PDGFA: variants seen among roughly 807,000 people sequenced by gnomAD.
PDGFA encodes the protein platelet derived growth factor subunit A, also known as platelet-derived growth factor subunit A.
Under a neutral mutation model 25.6 loss-of-function variants are expected in PDGFA, and 9 were observed. That is an observed-to-expected ratio of 0.35 (90% confidence interval 0.21 to 0.61). The LOEUF (loss-of-function observed/expected upper bound fraction) is 0.61. Among genes scored for constraint, PDGFA ranks in the 20% least tolerant of loss-of-function variants. The probability of loss-of-function intolerance (pLI) is 0.75; values close to 1 mark genes in which losing one functional copy is unlikely to be tolerated. For missense variants in PDGFA, 242 were observed against 272.8 expected, an observed-to-expected ratio of 0.89 and a Z score of 0.79; for synonymous variants, 133 against 111.8, an observed-to-expected ratio of 1.19 and a Z score of -1.20.
At chr7:501,646 C>A (rs570176506) in intron 4 of PDGFA, among the ~76,000 whole-genome samples, 8 of 152,290 alleles carry the variant, frequency 5.3e-5, no homozygotes, top group African/African-American at 1.9e-4. Flanking sequence ...TGATGTTGAA[C>A]TCCTGGACTC....
At chr7:502,474 G>A (rs950024170) in intron 4 of PDGFA, among the ~76,000 whole-genome samples, 2 of 148,726 alleles carry the variant, frequency 1.3e-5, no homozygotes, top group African/African-American at 5.0e-5. Context: ...CCAGGGCCAG[G>A]GATCCTGGGC....
At chr7:504,230 ACCAC>A in intron 4 of PDGFA, among the ~76,000 whole-genome samples, 1 of 151,354 alleles carries the variant, frequency 6.6e-6, no homozygotes, top group South Asian at 2.1e-4. Context: ...GCACAGTACC[ACCAC>A]CCACCCACCA....
Position 517,464 on chromosome 7 carries a change from G to T in PDGFA, c.90C>A (p.Ile30=). Residue 30 remains isoleucine, a synonymous_variant, in exon 2 of 6, where the codon ATC becomes ATA. Coordinates refer to ENST00000402802, the Ensembl canonical transcript of PDGFA. The surrounding 1 kb of genome is among the most constrained non-coding windows in gnomAD (Gnocchi z 7.4). ...GGATCTGACTGCGGGCCAGCCTCTC[G>T]ATCACCTCGCGGGGGATCTCGGCTT... 1 of 1,373,316 alleles carries T rather than the reference G, an allele frequency of 7.3e-7. No individual in the cohort carries two copies. The allele number at this position is 1,373,316 out of a possible 1,614,324, so 85.1% of individuals were successfully genotyped here.
intron 4 of PDGFA, among the ~76,000 whole-genome samples, chr7:507,890 C>T (rs933197126): frequency 5.9e-5 from 9 of 152,096 alleles, no homozygotes; most frequent in Non-Finnish European, 1.3e-4. Flanking sequence ...CCTTCCCTGA[C>T]CCCCCGGCGG....
rs781582984 is a variant in PDGFA, at chr7:511,322, CCAGAGACTGGGGGTGGGG to C, written c.266-344_266-327del. On this transcript the variant is annotated intron_variant, in intron 3 of 5. Transcript: ENST00000402802. Reference sequence around the variant, plus strand: ...AGAGGGGAACTTAGTCCAGGTGGGGCCAGAGACTGGGGGTGGGGAGAGGGGAACCTAGTCCAGGTGGGG... The same window carrying C: ...AGAGGGGAACTTAGTCCAGGTGGGGCAGAGGGGAACCTAGTCCAGGTGGGG... 5.2e-3 allele frequency among the ~76,000 whole-genome samples: 424 copies of C among 81,642 alleles called. 3 individuals carry two copies. Among genetic ancestry groups the C allele is most frequent in the Non-Finnish European group, 5.8e-3 (286 of 48,936 alleles). 53.6% of individuals were successfully genotyped at this position (81,642 alleles called of 152,430 possible). A position where few individuals can be genotyped will look rare whatever the true frequency, so the allele number is the denominator to read the frequency against.
In PDGFA at chr7:506,175, C is replaced by CA. The variant is rs34159199; in HGVS notation, c.453+4633dup. On this transcript the variant is annotated intron_variant, in intron 4 of 5. Transcript: ENST00000402802. ...TGGGCAACAGAGTGAGACTCTGTCT[C>CA]AAAAAAAAAAAAAAAATCCCTCAAG... Among the ~76,000 whole-genome samples the CA allele has an allele frequency of 9.0e-3, 962 of 107,320 alleles. 23 individuals are homozygous for CA. The highest frequency in any genetic ancestry group is 0.025 in the African/African-American group (695 of 27,622). The allele number at this position is 107,320 out of a possible 152,430, so 70.4% of individuals were successfully genotyped here.
exon 1 of PDGFA, chr7:519,317 C>T (rs1783259362): frequency 6.4e-6 from 2 of 314,490 alleles, no homozygotes; most frequent in Admixed American, 5.2e-5. Flanking sequence ...GGTGCGTTCC[C>T]GGTGCTGGCC....
rs1296853231 is a variant in PDGFA at position 517,388 on chromosome 7, A to C, written c.160+6T>G. On this transcript the variant is annotated splice_donor_region_variant and intron_variant, in intron 2 of 5. Transcript: ENST00000402802. The surrounding 1 kb of genome is among the most constrained non-coding windows in gnomAD (Gnocchi z 7.4). ...CCCGCGCGCGGAGGGAAGGGGCGCG[A>C]TTTACCTACGGAGTCTATCTCCAGG... The C allele has an allele frequency of 6.7e-6, 9 of 1,347,684 alleles. No homozygotes were observed. In the Admixed American group the frequency reaches 8.2e-5, roughly 12 times the overall value. The allele number at this position is 1,347,684 out of a possible 1,614,324, so 83.5% of individuals were successfully genotyped here.
At chr7:513,520 C>CCT (rs1299106124) in intron 2 of PDGFA, 5 of 151,866 alleles carry the variant, frequency 3.3e-5, no homozygotes, top group African/African-American at 1.2e-4. Flanking sequence ...TCCATCCTGC[C>CCT]CCCCCCACCA....
chr7:497,425 T>C (rs1782090600), exon 6 of PDGFA: 1 of 152,116 alleles, frequency 6.6e-6, no homozygotes, highest in Non-Finnish European at 1.5e-5. Context: ...GCACAATATC[T>C]TACCAAAAAT....
In PDGFA at chr7:517,393, C is replaced by A; in HGVS notation, c.160+1G>T. On this transcript the variant is annotated splice_donor_variant, in intron 2 of 5. Transcript: ENST00000402802. LOFTEE classifies it high-confidence loss of function. The surrounding 1 kb of genome is among the most constrained non-coding windows in gnomAD (Gnocchi z 7.4). The stretch of plus-strand genomic sequence containing the variant: ...GCGCGGAGGGAAGGGGCGCGATTTA[C>A]CTACGGAGTCTATCTCCAGGAGTCG... The A allele has an allele frequency of 7.3e-7, 1 of 1,364,898 alleles. No homozygotes were observed. 84.5% of individuals were successfully genotyped at this position (1,364,898 alleles called of 1,614,324 possible). A position where few individuals can be genotyped will look rare whatever the true frequency, so the allele number is the denominator to read the frequency against.
rs1208945308 is a variant in PDGFA, at chr7:497,953, A to C, written c.*611T>G. On this transcript the variant is annotated 3_prime_UTR_variant, in exon 6 of 6. Coordinates refer to ENST00000402802, the Ensembl canonical transcript of PDGFA. ...ACTTTATGGTGTAAAAAAAAAAAAA[A>C]AAAAACAAAAAAAAAAAAAACAAAA... 36 of 115,110 alleles carry C rather than the reference A, an allele frequency of 3.1e-4. 1 individual carries two copies. The highest frequency in any genetic ancestry group is 2.3e-3 in the Admixed American group (25 of 10,692). 7.1% of individuals were successfully genotyped at this position (115,110 alleles called of 1,614,324 possible).
chr7:512,352 G>C (rs565721664), exon 3 of PDGFA: 1 of 1,609,602 alleles, frequency 6.2e-7, no homozygotes, highest in South Asian at 1.1e-5. Context: ...TGGACTCACC[G>C]ATGCTTCTCT....
intron 5 of PDGFA, among the ~76,000 whole-genome samples, chr7:499,727 C>CCCCCA (rs1782245369): frequency 1.6e-5 from 1 of 63,196 alleles, no homozygotes; most frequent in South Asian, 7.6e-4. Flanking sequence ...CCTTCCCCCC[C>CCCCCA]CCCCCCGCTC....
chr7:498,162 T>A (rs1417869236), exon 6 of PDGFA: 2 of 229,076 alleles, frequency 8.7e-6, no homozygotes, highest in Non-Finnish European at 1.7e-5. Flanking sequence ...AGGCTCTGCA[T>A]CCTCGGCAAA....
rs1156493590 is a variant in PDGFA, at chr7:498,299, G to A, written c.*265C>T. ...TGAGTCCGTTTTGTTTTTGTCATTTGTGGTTTTGTTTTCTCTCTCTCTTTC... is the reference window on the plus strand; with the variant it reads ...TGAGTCCGTTTTGTTTTTGTCATTTATGGTTTTGTTTTCTCTCTCTCTTTC... On this transcript the variant is annotated 3_prime_UTR_variant, in exon 6 of 6. Coordinates refer to ENST00000402802, the Ensembl canonical transcript of PDGFA. 4 of 516,440 alleles carry A rather than the reference G, an allele frequency of 7.7e-6. No individual in the cohort carries two copies. The East Asian group carries it at 1.2e-4, about 16-fold the overall frequency. The allele number at this position is 516,440 out of a possible 1,614,324, so 32.0% of individuals were successfully genotyped here. A position where few individuals can be genotyped will look rare whatever the true frequency, so the allele number is the denominator to read the frequency against.
upstream of PDGFA, chr7:520,124 G>C: frequency 2.6e-6 from 1 of 378,250 alleles, no homozygotes; most frequent in Admixed American, 3.1e-5. Context: ...ACCCTCCAGT[G>C]CCAGCTGCAA....
chr7:503,246 C>T (rs151068257), intron 4 of PDGFA, among the ~76,000 whole-genome samples: 1 of 152,222 alleles, frequency 6.6e-6, no homozygotes, highest in Non-Finnish European at 1.5e-5. Context: ...CCCTCCCAGG[C>T]CCTGGGGAGC....
At chr7:507,518 G>A (rs1030075906) in intron 4 of PDGFA, among the ~76,000 whole-genome samples, 2 of 152,238 alleles carry the variant, frequency 1.3e-5, no homozygotes, top group Non-Finnish European at 2.9e-5. Flanking sequence ...ACACTGCCCT[G>A]TAGGGCCAAG....
Sources: allele counts gnomAD v4.1 joint callset (sites outside exome capture counted in the v4.1 genomes callset), GRCh38; gene constraint gnomAD v4.1.1; non-coding constraint Gnocchi (gnomAD v3.1); transcripts MANE v1.5; gene names NCBI Gene and HGNC (gene_info 2026-07-23, HGNC 2026-07-21).